TMC2: variants seen among roughly 807,000 people sequenced by gnomAD.
TMC2 encodes the protein transmembrane channel like 2.
TMC2 carries 102 observed loss-of-function variants against 105.9 expected under a neutral mutation model. The ratio of observed to expected loss-of-function variants is 0.96; its 90% CI spans 0.82 to 1.14. The LOEUF (loss-of-function observed/expected upper bound fraction) is 1.14. Ranked by LOEUF, TMC2 falls within the 50% of genes most tolerant of loss-of-function variation. The pLI, the probability that TMC2 is intolerant of heterozygous loss-of-function variation, is 0.00. For missense variants in TMC2, 1,093 were observed against 1,134.3 expected, an observed-to-expected ratio of 0.96 and a Z score of 0.52; for synonymous variants, 402 against 422.8, an observed-to-expected ratio of 0.95 and a Z score of 0.60.
At chr20:2,624,145 C>T in intron 16 of TMC2, 126 bp from the exon 17 acceptor site, 2 of 1,076,158 alleles carry the variant, frequency 1.9e-6, no homozygotes, top group East Asian at 2.5e-5. Context: ...TGGAGCAGAG[C>T]TCTGGTTCTT....
intron 2 of TMC2, among the ~76,000 whole-genome samples, chr20:2,541,620 G>A (rs1239968425): frequency 3.4e-5 from 5 of 146,010 alleles, no homozygotes; most frequent in Middle Eastern, 3.6e-3. Context: ...CAGACTGGGC[G>A]ACAGAGCAAG....
At chr20:2,593,921 G>A (rs2086286039) in intron 8 of TMC2, among the ~76,000 whole-genome samples, 1 of 152,128 alleles carries the variant, frequency 6.6e-6, no homozygotes, top group Admixed American at 6.5e-5. Flanking sequence ...TCACACTTTA[G>A]TGCCCCAATG....
intron 7 of TMC2, among the ~76,000 whole-genome samples, chr20:2,586,490 A>G (rs1454295052): frequency 6.6e-6 from 1 of 152,200 alleles, no homozygotes; most frequent in East Asian, 1.9e-4. Flanking sequence ...GCTGTACAGA[A>G]AGCAAAGTGC....
At chr20:2,575,217 C>T (rs918983119) in intron 5 of TMC2, among the ~76,000 whole-genome samples, 3 of 152,140 alleles carry the variant, frequency 2.0e-5, no homozygotes, top group East Asian at 1.9e-4. Context: ...TTTACTGTGA[C>T]AAACAATGCT....
chr20:2,543,670 CA>C (rs1411899320), intron 2 of TMC2, among the ~76,000 whole-genome samples: 1 of 152,160 alleles, frequency 6.6e-6, no homozygotes, highest in East Asian at 1.9e-4. Flanking sequence ...CATCTTAATA[CA>C]GACACTAAGG....
chr20:2,557,103 G>A (rs192961291), intron 2 of TMC2, among the ~76,000 whole-genome samples: 12 of 152,192 alleles, frequency 7.9e-5, no homozygotes, highest in East Asian at 7.7e-4. Context: ...GGGCTTTCTC[G>A]ATGTGTGGTT....
intron 4 of TMC2, among the ~76,000 whole-genome samples, chr20:2,562,559 C>T (rs1299123179): frequency 6.6e-6 from 1 of 152,256 alleles, no homozygotes; most frequent in African/African-American, 2.4e-5. Context: ...AGGCCTCCTG[C>T]CCATGCCACT....
At position 2,589,269 on chromosome 20, in the gene TMC2, CCTGTGTGTGT is replaced by C. The variant is rs1166369547; in HGVS notation, c.835-3040_835-3031del. Among the ~76,000 whole-genome samples the C allele has an allele frequency of 3.7e-4, 31 of 84,704 alleles. 1 individual carries two copies. The highest frequency in any genetic ancestry group is 1.3e-3 in the African/African-American group (17 of 13,480). 55.6% of individuals were successfully genotyped at this position (84,704 alleles called of 152,430 possible). A position where few individuals can be genotyped will look rare whatever the true frequency, so the allele number is the denominator to read the frequency against. On this transcript the variant is annotated intron_variant, in intron 7 of 19. Transcript: ENST00000358864. ...TTTTTCCAGATATCTTCCTATTTGCCCTGTGTGTGTGTGTGTGTGTGTGTGTGTGTGTGTG... is the reference window on the plus strand; with the variant it reads ...TTTTTCCAGATATCTTCCTATTTGCCGTGTGTGTGTGTGTGTGTGTGTGTG...
chr20:2,561,444 A>T (rs1352922748), intron 3 of TMC2, among the ~76,000 whole-genome samples: 1 of 152,250 alleles, frequency 6.6e-6, no homozygotes, highest in Non-Finnish European at 1.5e-5. Flanking sequence ...GGACTGAAAT[A>T]TCTCTAATAA....
intron 11 of TMC2, among the ~76,000 whole-genome samples, chr20:2,604,784 G>A (rs888787387): frequency 1.3e-5 from 2 of 152,144 alleles, no homozygotes; most frequent in African/African-American, 2.4e-5. Flanking sequence ...ACATAATGAC[G>A]CCTCCATAAA....
intron 17 of TMC2, among the ~76,000 whole-genome samples, chr20:2,631,681 T>C (rs2422806): frequency 0.75 from 113,079 of 150,156 alleles, 42,754 homozygotes; most frequent in East Asian, 0.86. Context: ...TCTCTCTTTC[T>C]GGATTCTCTC....
chr20:2,539,971 T>G (rs1248186784), intron 2 of TMC2, among the ~76,000 whole-genome samples: 1 of 144,316 alleles, frequency 6.9e-6, no homozygotes, highest in African/African-American at 2.6e-5. Flanking sequence ...CACACAAGAC[T>G]ATTCTTTTCT....
rs753902444 is a variant in TMC2, at chr20:2,613,477, T to C, written c.1872+155T>C. 4 of 1,108,946 alleles carry C rather than the reference T, an allele frequency of 3.6e-6. No homozygotes were observed. The South Asian group carries it at 5.3e-5, about 15-fold the overall frequency. 68.7% of individuals were successfully genotyped at this position (1,108,946 alleles called of 1,614,324 possible). The stretch of plus-strand genomic sequence containing the variant: ...AGTAAAGTGTTTAATTTGTATTTCC[T>C]TTAAGGGTCCTATTTGCCTTCATAA... On this transcript the variant is annotated intron_variant, in intron 14 of 19. Coordinates refer to ENST00000358864, the MANE Select transcript of TMC2 (RefSeq NM_080751.3).
chr20:2,609,502 A>G (rs1296406563), intron 11 of TMC2, among the ~76,000 whole-genome samples: 1 of 152,196 alleles, frequency 6.6e-6, no homozygotes, highest in East Asian at 1.9e-4. Flanking sequence ...CAGGCTCAAC[A>G]AGAATAAACC....
intron 2 of TMC2, among the ~76,000 whole-genome samples, chr20:2,550,742 A>G (rs2085951904): frequency 6.6e-6 from 1 of 152,242 alleles, no homozygotes; most frequent in Non-Finnish European, 1.5e-5. Context: ...CATACAGCAT[A>G]TAACCTTTTC....
At chr20:2,537,394 C>A in intron 2 of TMC2, 78 bp downstream of exon 2, 1 of 1,170,408 alleles carries the variant, frequency 8.5e-7, no homozygotes. Flanking sequence ...TCCAGCCACC[C>A]ATCCAACATT....
At chr20:2,545,300 T>C (rs1016716910) in intron 2 of TMC2, among the ~76,000 whole-genome samples, 4 of 152,186 alleles carry the variant, frequency 2.6e-5, no homozygotes, top group Admixed American at 2.0e-4. Context: ...AAATCTAGAA[T>C]ACCCCTAGGG....
In TMC2 at chr20:2,557,425, T is replaced by C. The variant is rs375011383; in HGVS notation, c.83-1031T>C. On this transcript the variant is annotated intron_variant, in intron 2 of 19. Transcript: ENST00000358864. Reference sequence around the variant, plus strand: ...TTTTTGGTTTTTACCATTTCTTTTTTATTGTTTCTTAGAGTTTCAATCTCT... The same window carrying C: ...TTTTTGGTTTTTACCATTTCTTTTTCATTGTTTCTTAGAGTTTCAATCTCT... Among the ~76,000 whole-genome samples the C allele has an allele frequency of 1.9e-4, 29 of 152,382 alleles. No individual in the cohort carries two copies. The East Asian group carries it at 3.9e-3, about 20-fold the overall frequency.
intron 5 of TMC2, among the ~76,000 whole-genome samples, chr20:2,576,232 C>A (rs557792405): frequency 2.6e-5 from 4 of 152,160 alleles, no homozygotes; most frequent in Admixed American, 1.3e-4. Context: ...AACTAACAAC[C>A]CATCCTAGGA....
Sources: allele counts gnomAD v4.1 joint callset (sites outside exome capture counted in the v4.1 genomes callset), GRCh38; gene constraint gnomAD v4.1.1; transcripts MANE v1.5; gene names NCBI Gene and HGNC (gene_info 2026-07-23, HGNC 2026-07-21).